SHC1: variants seen among roughly 807,000 people sequenced by gnomAD.
SHC1 encodes SHC-transforming protein 1.
Under a neutral mutation model 55.9 loss-of-function variants are expected in SHC1, and 30 were observed. The observed-to-expected ratio is 0.54, with a 90% CI of 0.40 to 0.73. SHC1 has a LOEUF of 0.73. SHC1 is among the 30% of genes least tolerant of loss of function. SHC1 has a pLI of 0.00. For missense variants in SHC1, 675 were observed against 777.1 expected (o/e 0.87, Z 1.56); for synonymous variants, 309 against 306.1 (o/e 1.01, Z -0.10).
intron 9 of SHC1, 34 bp from the exon 10 acceptor site, chr1:154,966,114 C>A (rs1433180706): frequency 6.2e-7 from 1 of 1,614,008 alleles, no homozygotes; most frequent in Non-Finnish European, 8.5e-7. Context: ...TGATCCCAGC[C>A]CTGCCTCCAA....
intron 7 of SHC1, 77 bp downstream of exon 7, chr1:154,967,589 TCTCAA>T (rs1371507303): frequency 1.7e-5 from 25 of 1,478,362 alleles, no homozygotes; most frequent in East Asian, 4.6e-5. Flanking sequence ...TCCCTGAACC[TCTCAA>T]CTCAAGTGTA....
Position 154,970,596 on chromosome 1 carries a change from G to C in SHC1, c.-70C>G. ...CAGTTTGGGCAAGGGGGCCAGGCAGGGGGTATCCCCAGGCCCTTAGCCTGG... is the reference window on the plus strand; with the variant it reads ...CAGTTTGGGCAAGGGGGCCAGGCAGCGGGTATCCCCAGGCCCTTAGCCTGG... On this transcript the variant is annotated 5_prime_UTR_variant, in exon 1 of 12. Coordinates refer to ENST00000448116, the MANE Select transcript of SHC1 (RefSeq NM_001130040.2). This position sits in a 1 kb window ranked among gnomAD's most constrained non-coding sequence, Gnocchi z 5.5. The C allele has an allele frequency of 9.2e-7, 1 of 1,084,086 alleles. No individual in the cohort carries two copies. The highest frequency in any genetic ancestry group is 1.3e-6 in the Non-Finnish European group (1 of 741,020). The allele number at this position is 1,084,086 out of a possible 1,614,324, so 67.2% of individuals were successfully genotyped here. A position where few individuals can be genotyped will look rare whatever the true frequency, so the allele number is the denominator to read the frequency against.
chr1:154,972,713 G>A (rs972610763), upstream of SHC1, among the ~76,000 whole-genome samples: 1 of 152,194 alleles, frequency 6.6e-6, no homozygotes, highest in Non-Finnish European at 1.5e-5. Flanking sequence ...CAGGTGATTG[G>A]GTGTAGGGGA....
chr1:154,968,700 C>T (rs1290224828), intron 3 of SHC1, 71 bp downstream of exon 3: 1 of 1,608,946 alleles, frequency 6.2e-7, no homozygotes, highest in Admixed American at 1.7e-5. Flanking sequence ...TCCCCACATG[C>T]CCCACACTTG....
Position 154,967,693 on chromosome 1 carries a change from T to C in SHC1, c.961A>G (p.Lys321Glu). The change falls in exon 7 of 12, where the codon AAA becomes GAA. Residue 321 changes from lysine to glutamate, a missense_variant. Lys to Glu is a moderately conservative substitution (Grantham distance 56). Transcript: ENST00000448116. ...RFKQYLRNPP[K>E]LVTPHDRMAG... ...CACCTGTCATGAGGGGTGACCAGTTTGGGTGGGTTCCTGAGGTATTGTTTG... is the reference window on the plus strand; with the variant it reads ...CACCTGTCATGAGGGGTGACCAGTTCGGGTGGGTTCCTGAGGTATTGTTTG... The C allele has an allele frequency of 6.2e-7, 1 of 1,613,986 alleles. No individual in the cohort carries two copies. Among genetic ancestry groups the C allele is most frequent in the Non-Finnish European group, 8.5e-7 (1 of 1,179,918 alleles).
Position 154,968,780 on chromosome 1 carries a change from CCTT to C in SHC1, c.618_620del (p.Arg209del), listed in dbSNP as rs779898659. ...CAAGGACCCCAAGTACCTTTCTCCT[CCTT>C]GTCGCCCCCTTAGCACCCGGCACAG... On this transcript the variant is annotated inframe_deletion, in exon 3 of 12. Coordinates refer to ENST00000448116, the MANE Select transcript of SHC1 (RefSeq NM_001130040.2). The C allele has an allele frequency of 1.6e-5, 26 of 1,613,728 alleles. No homozygotes were observed. Among genetic ancestry groups the C allele is most frequent in the Non-Finnish European group, 2.0e-5 (24 of 1,179,866 alleles).
Position 154,963,679 on chromosome 1 carries a change from C to G in SHC1, c.*124G>C. ...TCAGCTGGATATGAAACCCAGAGTCCATGCTACTCCCAGCTCTGACACAAG... is the reference window on the plus strand; with the variant it reads ...TCAGCTGGATATGAAACCCAGAGTCGATGCTACTCCCAGCTCTGACACAAG... On this transcript the variant is annotated 3_prime_UTR_variant, in exon 12 of 12. Transcript: ENST00000448116. 1 of 974,332 alleles carries G rather than the reference C, an allele frequency of 1.0e-6. No individual in the cohort carries two copies. The highest frequency in any genetic ancestry group is 1.6e-5 in the South Asian group (1 of 63,586). The allele number at this position is 974,332 out of a possible 1,614,324, so 60.4% of individuals were successfully genotyped here.
rs1656592182 is a variant in SHC1, at chr1:154,970,332, CA to C, written c.194del (p.Met65ArgfsTer4). On this transcript the variant is annotated frameshift_variant, in exon 1 of 12. Transcript: ENST00000448116. LOFTEE classifies it high-confidence loss of function. The surrounding 1 kb of genome is among the most constrained non-coding windows in gnomAD (Gnocchi z 5.5). The part of the protein sequence containing the change: ...PTTLCSFFPR[M>X]SNLRLANPAG... ...CCGGGTTGGCCAGCCTCAGGTTGCT[CA>C]TCCGGGGGAAGAAGGAGCACAGGGT... 2 of 1,605,804 alleles carry C rather than the reference CA, an allele frequency of 1.2e-6. No homozygotes were observed. The highest frequency in any genetic ancestry group is 1.7e-6 in the Non-Finnish European group (2 of 1,175,692).
intron 6 of SHC1, 23 bp downstream of exon 6, chr1:154,967,957 C>G: frequency 6.2e-7 from 1 of 1,613,222 alleles, no homozygotes; most frequent in East Asian, 2.2e-5. Flanking sequence ...CAGACCCACC[C>G]AGTGCTCCCC....
At chr1:154,969,574 C>T (rs1211716484) in intron 1 of SHC1, 126 bp from the exon 2 acceptor site, 1 of 662,924 alleles carries the variant, frequency 1.5e-6, no homozygotes, top group African/African-American at 1.8e-5. Context: ...CTGCCCACTT[C>T]CCGTGGCTAC....
At chr1:154,966,114 C>T in intron 9 of SHC1, 34 bp from the exon 10 acceptor site, 3 of 1,614,008 alleles carry the variant, frequency 1.9e-6, no homozygotes, top group Non-Finnish European at 2.5e-6. Flanking sequence ...TGATCCCAGC[C>T]CTGCCTCCAA....
At chr1:154,967,130 G>C (rs1371477214) in intron 7 of SHC1, among the ~76,000 whole-genome samples, 1 of 147,228 alleles carries the variant, frequency 6.8e-6, no homozygotes, top group African/African-American at 2.5e-5. Flanking sequence ...TCTTGCTCTT[G>C]ATCTCTGTGC....
rs762661482 is a variant in SHC1 at position 154,966,212 on chromosome 1, C to G, written c.1202G>C (p.Gly401Ala). The change falls in exon 9 of 12, where the codon GGG (glycine) becomes GCG (alanine). Residue 401 changes from glycine (G) to alanine (A), a missense_variant. By Grantham distance (60) the Gly-to-Ala change is moderately conservative (BLOSUM62 0). Around this residue, in one of 3 missense-constraint regions of SHC1, gnomAD observed 360 missense variants for 371.1 expected, o/e 0.97. Transcript: ENST00000448116. ...GATLPVGQPV[G>A]GDPEVRKQMP... Reference sequence around the variant, plus strand: ...CTGTTTGCGGACTTCTGGATCTCCCCCAACAGGCTGTCCTACAGGCTGCAG... The same window carrying G: ...CTGTTTGCGGACTTCTGGATCTCCCGCAACAGGCTGTCCTACAGGCTGCAG... The G allele has an allele frequency of 2.5e-6, 4 of 1,614,020 alleles. No individual in the cohort carries two copies. The African/African-American group carries it at 5.3e-5, about 22-fold the overall frequency.
chr1:154,968,949 G>C (rs1656380023), intron 2 of SHC1, 115 bp from the exon 3 acceptor site: 2 of 880,606 alleles, frequency 2.3e-6, no homozygotes, highest in Admixed American at 1.8e-5. Flanking sequence ...GGCACTCCAG[G>C]CTCTTTGTCA....
At chr1:154,969,701 T>C (rs1453374646) in intron 1 of SHC1, among the ~76,000 whole-genome samples, 2 of 151,728 alleles carry the variant, frequency 1.3e-5, no homozygotes, top group Non-Finnish European at 2.9e-5. Context: ...TTGGCTGGGA[T>C]GGAGTGACAA....
intron 1 of SHC1, 38 bp downstream of exon 1, chr1:154,969,994 G>T: frequency 6.2e-7 from 1 of 1,609,316 alleles, no homozygotes; most frequent in Non-Finnish European, 8.5e-7. Flanking sequence ...GAACTGGAGG[G>T]GGTCTGCGGG....
rs1348029987 is a variant in SHC1 at position 154,963,460 on chromosome 1, A to G, written c.*343T>C. On this transcript the variant is annotated 3_prime_UTR_variant, in exon 12 of 12. Coordinates refer to ENST00000448116, the MANE Select transcript of SHC1 (RefSeq NM_001130040.2). ...GTGTGATTTGTTCCCCCTTGCCCAGAAGGGTGACTGTTCCACTGGGCCTGT... is the reference window on the plus strand; with the variant it reads ...GTGTGATTTGTTCCCCCTTGCCCAGGAGGGTGACTGTTCCACTGGGCCTGT... 4.1e-6 allele frequency: 1 copy of G among 244,450 alleles called. No individual in the cohort carries two copies. The highest frequency in any genetic ancestry group is 6.7e-5 in the South Asian group (1 of 14,944). The allele number at this position is 244,450 out of a possible 1,614,324, so 15.1% of individuals were successfully genotyped here.
intron 11 of SHC1, chr1:154,964,376 A>G (rs1473400935): frequency 2.7e-5 from 11 of 412,776 alleles, no homozygotes; most frequent in Non-Finnish European, 4.9e-6. Context: ...TCTCTACCAA[A>G]AAAAAAATAC....
chr1:154,963,957 C>T (rs746138390), intron 11 of SHC1, 26 bp from the exon 12 acceptor site: 138 of 1,613,126 alleles, frequency 8.6e-5, no homozygotes, highest in Non-Finnish European at 2.5e-5. Context: ...GGAAGAAGGT[C>T]AATTCAGGTG....
Sources: allele counts gnomAD v4.1 joint callset (sites outside exome capture counted in the v4.1 genomes callset), GRCh38; gene constraint gnomAD v4.1.1; regional missense constraint gnomAD v4.1.1; non-coding constraint Gnocchi (gnomAD v3.1); transcripts MANE v1.5; gene names NCBI Gene and HGNC (gene_info 2026-07-23, HGNC 2026-07-21).